DPF3: variants seen among roughly 807,000 people sequenced by gnomAD.
DPF3 encodes double PHD fingers 3.
A neutral mutation model predicts 56.8 loss-of-function variants in DPF3; 18 were observed. That is an observed-to-expected ratio of 0.32 (90% CI 0.22 to 0.47). DPF3 has a LOEUF of 0.47. DPF3 is among the 20% of genes least tolerant of loss of function. DPF3 has a pLI of 1.00. For missense variants in DPF3, 403 were observed against 488.8 expected (o/e 0.82, Z 1.65); for synonymous variants, 188 against 180.2 (o/e 1.04, Z -0.35).
intron 1 of DPF3, chr14:72,879,946 G>A (rs1886263818): frequency 6.7e-7 from 1 of 1,491,410 alleles, no homozygotes; most frequent in African/African-American, 1.4e-5. Flanking sequence ...TCTTGAAAGG[G>A]CCTGTGATTG....
intron 8 of DPF3, chr14:72,671,180 T>A: frequency 1.2e-6 from 2 of 1,613,966 alleles, no homozygotes; most frequent in Non-Finnish European, 8.5e-7. Context: ...CCCCGGCCAC[T>A]GCGGCGTCCT....
intron 2 of DPF3, among the ~76,000 whole-genome samples, chr14:72,760,735 A>G (rs935619637): frequency 6.6e-5 from 10 of 152,340 alleles, no homozygotes; most frequent in Admixed American, 5.2e-4. Context: ...GAGAGAAAAC[A>G]TAATCACATT....
At chr14:72,714,183 G>A (rs972334208) in intron 6 of DPF3, among the ~76,000 whole-genome samples, 1 of 152,258 alleles carries the variant, frequency 6.6e-6, no homozygotes, top group African/African-American at 2.4e-5. Flanking sequence ...TGGGGGTGCA[G>A]AACTGAGGGT....
intron 1 of DPF3, among the ~76,000 whole-genome samples, chr14:72,798,051 T>C (rs1033988267): frequency 1.3e-5 from 2 of 151,766 alleles, no homozygotes; most frequent in South Asian, 4.2e-4. Flanking sequence ...GGTCGGGAGT[T>C]CAAGACCAGC....
chr14:72,698,730 G>A (rs1888018976), intron 6 of DPF3, among the ~76,000 whole-genome samples: 1 of 152,140 alleles, frequency 6.6e-6, no homozygotes, highest in African/African-American at 2.4e-5. Context: ...TAGTAGGTTT[G>A]GTAGGTTAGG....
chr14:72,690,937 C>T (rs1887652022), intron 7 of DPF3, among the ~76,000 whole-genome samples: 1 of 152,194 alleles, frequency 6.6e-6, no homozygotes. Flanking sequence ...ACAACAGCTC[C>T]GTGTGACCTC....
intron 8 of DPF3, among the ~76,000 whole-genome samples, chr14:72,673,492 G>A (rs372429147): frequency 6.6e-6 from 1 of 152,116 alleles, no homozygotes; most frequent in Non-Finnish European, 1.5e-5. Flanking sequence ...CAAAAATAAT[G>A]GTTTGGTTAG....
In DPF3 at chr14:72,873,801, T is replaced by A. The variant is rs562609446; in HGVS notation, c.32+20256A>T. Among the ~76,000 whole-genome samples the A allele has an allele frequency of 2.3e-3, 356 of 151,988 alleles. 19 individuals are homozygous for A. In the South Asian group the frequency reaches 0.071, roughly 30 times the overall value. On this transcript the variant is annotated intron_variant, in intron 1 of 10. Transcript: ENST00000556509. ...ACATGGATGAAGCTGGAAACCATCA[T>A]TCTCAGCAAACTATCACAAGGACAA...
intron 1 of DPF3, among the ~76,000 whole-genome samples, chr14:72,807,501 G>A (rs1435359281): frequency 6.6e-6 from 1 of 151,656 alleles, no homozygotes; most frequent in African/African-American, 2.4e-5. Context: ...AGGGCCCTTT[G>A]ACAACACCTA....
intron 1 of DPF3, among the ~76,000 whole-genome samples, chr14:72,854,757 G>A (rs1885113956): frequency 6.6e-6 from 1 of 152,146 alleles, no homozygotes; most frequent in African/African-American, 2.4e-5. Context: ...ATTTCAGCCT[G>A]GCCCTGAAAT....
chr14:72,752,703 C>T (rs953023121), intron 3 of DPF3, among the ~76,000 whole-genome samples: 2 of 152,178 alleles, frequency 1.3e-5, no homozygotes, highest in Non-Finnish European at 2.9e-5. Flanking sequence ...CATAACGCCA[C>T]CAATTCCTTC....
At chr14:72,719,849 G>A (rs564056189) in intron 5 of DPF3, among the ~76,000 whole-genome samples, 53 of 152,226 alleles carry the variant, frequency 3.5e-4, no homozygotes, top group African/African-American at 1.2e-3. Context: ...CCATCACAGA[G>A]GTTACATAAT....
intron 1 of DPF3, among the ~76,000 whole-genome samples, chr14:72,877,174 T>C (rs1282706711): frequency 6.6e-6 from 1 of 151,980 alleles, no homozygotes; most frequent in Non-Finnish European, 1.5e-5. Flanking sequence ...AGTCAAGAAA[T>C]GAAATAAGCA....
intron 1 of DPF3, among the ~76,000 whole-genome samples, chr14:72,887,113 G>A (rs918549055): frequency 3.3e-5 from 5 of 151,092 alleles, no homozygotes; most frequent in African/African-American, 2.4e-5. Flanking sequence ...AGTCCAGACC[G>A]GAGGACTGGC....
At chr14:72,798,901 T>C (rs1892747511) in intron 1 of DPF3, among the ~76,000 whole-genome samples, 1 of 152,250 alleles carries the variant, frequency 6.6e-6, no homozygotes, top group African/African-American at 2.4e-5. Context: ...CAGGGCTTAC[T>C]GCCCTCTCCT....
At chr14:72,873,995 C>T (rs1342277849) in intron 1 of DPF3, among the ~76,000 whole-genome samples, 1 of 150,954 alleles carries the variant, frequency 6.6e-6, no homozygotes. Context: ...ATGGGTGCAG[C>T]ACACCAACAT....
intron 1 of DPF3, among the ~76,000 whole-genome samples, chr14:72,829,752 A>AT (rs888329215): frequency 1.4e-4 from 19 of 140,550 alleles, no homozygotes; most frequent in Admixed American, 5.1e-4. Context: ...ATCCAAGATA[A>AT]TTTTTTTTTG....
chr14:72,652,135 T>C (rs943019483), intron 8 of DPF3, among the ~76,000 whole-genome samples: 14 of 152,038 alleles, frequency 9.2e-5, no homozygotes, highest in African/African-American at 3.4e-4. Context: ...GAACCTGGGG[T>C]AACGTGGAAT....
chr14:72,886,174 C>T (rs1385498830), intron 1 of DPF3, among the ~76,000 whole-genome samples: 6 of 152,092 alleles, frequency 3.9e-5, no homozygotes, highest in East Asian at 1.9e-4. Flanking sequence ...GAGTTCGAGA[C>T]GAGCCTGGCC....
Sources: allele counts gnomAD v4.1 joint callset (sites outside exome capture counted in the v4.1 genomes callset), GRCh38; gene constraint gnomAD v4.1.1; transcripts MANE v1.5; gene names NCBI Gene and HGNC (gene_info 2026-07-23, HGNC 2026-07-21).